Variants in PUS3 observed in about 807,000 individuals in gnomAD.
PUS3 encodes pseudouridine synthase 3.
PUS3 carries 36 observed loss-of-function variants against 43.3 expected under a neutral mutation model. That is an observed-to-expected ratio of 0.83 (90% confidence interval 0.64 to 1.10). The LOEUF (loss-of-function observed/expected upper bound fraction) is 1.10. Ranked by LOEUF, PUS3 falls within the 50% of genes least tolerant of loss-of-function variation. PUS3 has a pLI of 0.00. For missense variants in PUS3, 544 were observed against 589.9 expected, an observed-to-expected ratio of 0.92 and a Z score of 0.81; for synonymous variants, 183 against 199.2, an observed-to-expected ratio of 0.92 and a Z score of 0.69.
intron 1 of PUS3, chr11:125,899,755 G>T: frequency 6.2e-7 from 1 of 1,614,120 alleles, no homozygotes; most frequent in Non-Finnish European, 8.5e-7. Flanking sequence ...AGGATCTCTG[G>T]GACTTAAGAC....
intron 1 of PUS3, chr11:125,899,176 A>C: frequency 1.7e-6 from 1 of 590,726 alleles, no homozygotes; most frequent in South Asian, 2.1e-5. Flanking sequence ...ATTCCCTAGA[A>C]CTGAGTTAAT....
In PUS3 at chr11:125,895,582, G is replaced by A. The variant is rs370110541; in HGVS notation, c.586C>T (p.Arg196Cys). The A allele has an allele frequency of 1.6e-5, 26 of 1,614,050 alleles. No individual in the cohort carries two copies. Among genetic ancestry groups the A allele is most frequent in the East Asian group, 2.2e-5 (1 of 44,902 alleles). Reference protein sequence around the residue: ...ARFSCLERTYRYFFPRADLDI... With the variant: ...ARFSCLERTYCYFFPRADLDI... Reference sequence around the variant, plus strand: ...AAATCAGCACGAGGGAAAAAATAGCGGTAAGTCCGCTCAAGGCAGCTGAAC... The same window carrying A: ...AAATCAGCACGAGGGAAAAAATAGCAGTAAGTCCGCTCAAGGCAGCTGAAC... Residue 196 changes from arginine to cysteine, a missense_variant, in exon 3 of 4, where the codon CGC becomes TGC. Arg to Cys is a radical substitution (Grantham distance 180). Transcript: ENST00000227474.
At position 125,893,654 on chromosome 11, in the gene PUS3, C is replaced by G; in HGVS notation, c.*131G>C. Reference sequence around the variant, plus strand: ...ATAACTTCCTTAATAGGGCTTTAGTCTTTTTGCTTTTTTTTTTCTTTTAAG... The same window carrying G: ...ATAACTTCCTTAATAGGGCTTTAGTGTTTTTGCTTTTTTTTTTCTTTTAAG... On this transcript the variant is annotated 3_prime_UTR_variant, in exon 4 of 4. Coordinates refer to ENST00000227474, the MANE Select transcript of PUS3 (RefSeq NM_031307.4). The G allele has an allele frequency of 1.4e-6, 1 of 722,862 alleles. No individual in the cohort carries two copies. Among genetic ancestry groups the G allele is most frequent in the Non-Finnish European group, 2.1e-6 (1 of 478,742 alleles). 44.8% of individuals were successfully genotyped at this position (722,862 alleles called of 1,614,324 possible). A position where few individuals can be genotyped will look rare whatever the true frequency, so the allele number is the denominator to read the frequency against.
chr11:125,898,276 C>A (rs759604442), intron 1 of PUS3, among the ~76,000 whole-genome samples: 5 of 152,130 alleles, frequency 3.3e-5, no homozygotes, highest in Non-Finnish European at 7.3e-5. Flanking sequence ...ACAGTAGATA[C>A]CTATCTCAGA....
intron 1 of PUS3, chr11:125,899,730 G>A (rs769276737): frequency 6.2e-7 from 1 of 1,614,122 alleles, no homozygotes; most frequent in South Asian, 1.1e-5. Flanking sequence ...TCAGAATCTG[G>A]TACAGAAAAT....
At chr11:125,899,867 C>T in intron 1 of PUS3, 1 of 1,614,194 alleles carries the variant, frequency 6.2e-7, no homozygotes, top group Non-Finnish European at 8.5e-7. Context: ...TTCTCAAGAT[C>T]AGCTCATTTG....
At position 125,899,536 on chromosome 11, in the gene PUS3, AG is replaced by A. The variant is rs1172420635; in HGVS notation, c.-46-3207del. 10 of 1,614,168 alleles carry A rather than the reference AG, an allele frequency of 6.2e-6. No homozygotes were observed. Among genetic ancestry groups the A allele is most frequent in the Non-Finnish European group, 8.5e-6 (10 of 1,180,018 alleles). ...ATGATCCCTACAGTAAAGCTTCAGT[AG>A]CCCCAGGGAAGCGACCTGCTCTTCC... On this transcript the variant is annotated intron_variant, in intron 1 of 3. Coordinates refer to ENST00000227474, the MANE Select transcript of PUS3 (RefSeq NM_031307.4).
At chr11:125,901,056 G>A (rs1264940101) in intron 1 of PUS3, among the ~76,000 whole-genome samples, 2 of 150,152 alleles carry the variant, frequency 1.3e-5, no homozygotes, top group African/African-American at 2.4e-5. Flanking sequence ...CTTTTACATA[G>A]TCCTAAAGGA....
Position 125,895,607 on chromosome 11 carries a change from C to A in PUS3, c.561G>T (p.Arg187Ser). The A allele has an allele frequency of 6.2e-7, 1 of 1,614,238 alleles. No individual in the cohort carries two copies. The highest frequency in any genetic ancestry group is 8.5e-7 in the Non-Finnish European group (1 of 1,180,042). Residue 187 changes from arginine to serine, a missense_variant, in exon 3 of 4, where the codon AGG becomes AGT. Physicochemically the swap from Arg to Ser is moderately radical, Grantham distance 110. Transcript: ENST00000227474. ...GGTAAGTCCGCTCAAGGCAGCTGAA[C>A]CTAGCACTGAAGCTTGGTTCTACAG... ...WAPVEPSFSA[R>S]FSCLERTYRY...
In PUS3 at chr11:125,893,822, C is replaced by T. The variant is rs750439608; in HGVS notation, c.1409G>A (p.Arg470Lys). 23 of 1,613,856 alleles carry T rather than the reference C, an allele frequency of 1.4e-5. No homozygotes were observed. The highest frequency in any genetic ancestry group is 1.6e-4 in the Middle Eastern group (1 of 6,062). The part of the protein sequence containing the change: ...ENTNLETPTK[R>K]VCVDTEIKSI... The stretch of plus-strand genomic sequence containing the variant: ...TTTAATTTCTGTGTCAACACAGACC[C>T]TCTTCGTTGGTGTCTCCAAATTAGT... The change falls in exon 4 of 4, where the codon AGG becomes AAG. Residue 470 changes from arginine (R) to lysine (K), a missense_variant. Arg to Lys is a conservative substitution (Grantham distance 26). Transcript: ENST00000227474.
Position 125,894,240 on chromosome 11 carries a change from T to G in PUS3, c.991A>C (p.Asn331His). ...TCCTGGTCATAGATCCACTTGACATTTTCAAACTTACAGTCATATAAGACT... is the reference window on the plus strand; with the variant it reads ...TCCTGGTCATAGATCCACTTGACATGTTCAAACTTACAGTCATATAAGACT... ...PLVLYDCKFE[N>H]VKWIYDQEAQ... Residue 331 changes from asparagine (N) to histidine (H), a missense_variant, in exon 4 of 4, where the codon AAT becomes CAT. Asn to His is a moderately conservative substitution (Grantham distance 68, BLOSUM62 1). Coordinates refer to ENST00000227474, the MANE Select transcript of PUS3 (RefSeq NM_031307.4). 2 of 1,613,130 alleles carry G rather than the reference T, an allele frequency of 1.2e-6. No individual in the cohort carries two copies. The highest frequency in any genetic ancestry group is 1.7e-6 in the Non-Finnish European group (2 of 1,179,174).
chr11:125,902,039 A>G (rs949361654), intron 1 of PUS3, among the ~76,000 whole-genome samples: 1 of 152,212 alleles, frequency 6.6e-6, no homozygotes, highest in Admixed American at 6.5e-5. Flanking sequence ...CAAAGTCTCC[A>G]AAGTTCAACT....
chr11:125,900,175 G>C, intron 1 of PUS3: 1 of 1,614,154 alleles, frequency 6.2e-7, no homozygotes, highest in South Asian at 1.1e-5. Context: ...TACCAACAGA[G>C]AAGAAAAGGT....
chr11:125,900,551 CT>C, intron 1 of PUS3: 2 of 414,386 alleles, frequency 4.8e-6, no homozygotes, highest in Admixed American at 4.1e-5. Context: ...TGTCCTGTAA[CT>C]TTTTTTACCT....
At chr11:125,900,619 T>C in intron 1 of PUS3, 1 of 279,740 alleles carries the variant, frequency 3.6e-6, no homozygotes, top group South Asian at 4.4e-5. Context: ...GGCATTACAC[T>C]TACCAATTAA....
At chr11:125,898,491 A>G (rs1390022786) in intron 1 of PUS3, among the ~76,000 whole-genome samples, 6 of 152,160 alleles carry the variant, frequency 3.9e-5, no homozygotes, top group African/African-American at 9.7e-5. Flanking sequence ...CCTGGCTAAC[A>G]TGGTAAAACC....
intron 1 of PUS3, chr11:125,899,606 G>A (rs776048393): frequency 3.2e-5 from 51 of 1,614,060 alleles, no homozygotes; most frequent in Non-Finnish European, 3.9e-5. Flanking sequence ...TGTCCCTTCA[G>A]AAACAGTCTC....
In PUS3 at chr11:125,893,711, G is replaced by A. The variant is rs1944478747; in HGVS notation, c.*74C>T. The A allele has an allele frequency of 7.9e-7, 1 of 1,258,582 alleles. No homozygotes were observed. The highest frequency in any genetic ancestry group is 1.1e-6 in the Non-Finnish European group (1 of 939,872). 78.0% of individuals were successfully genotyped at this position (1,258,582 alleles called of 1,614,324 possible). ...TCATCTGAATTCCTAGTACTTGCAA[G>A]TAAATTTTTTTTTTTTTCCTTTTCT... On this transcript the variant is annotated 3_prime_UTR_variant, in exon 4 of 4. Transcript: ENST00000227474.
intron 1 of PUS3, among the ~76,000 whole-genome samples, chr11:125,902,334 C>T (rs1207126761): frequency 6.8e-6 from 1 of 146,294 alleles, no homozygotes; most frequent in African/African-American, 2.5e-5. Flanking sequence ...GTGGCTCACG[C>T]CTGTCATCCC....
Sources: allele counts gnomAD v4.1 joint callset (sites outside exome capture counted in the v4.1 genomes callset), GRCh38; gene constraint gnomAD v4.1.1; transcripts MANE v1.5; gene names NCBI Gene and HGNC (gene_info 2026-07-23, HGNC 2026-07-21).